DLEU7: variants seen among roughly 807,000 people sequenced by gnomAD.
The protein encoded by DLEU7 is leukemia-associated protein 7.
A neutral mutation model predicts 16.0 loss-of-function variants in DLEU7; 17 were observed. That is an observed-to-expected ratio of 1.06 (90% CI 0.73 to 1.59). DLEU7 has a LOEUF of 1.59. DLEU7 is among the 40% of genes most tolerant of loss of function. The pLI, the probability that DLEU7 is intolerant of heterozygous loss-of-function variation, is 0.00. For missense variants in DLEU7, 308 were observed against 314.9 expected (o/e 0.98, Z 0.17); for synonymous variants, 113 against 139.8 (o/e 0.81, Z 1.35).
At chr13:50,723,090 T>G (rs921221598) in intron 1 of DLEU7, 3 of 152,184 alleles carry the variant, frequency 2.0e-5, no homozygotes, top group Non-Finnish European at 2.9e-5. Flanking sequence ...GCAATAAAGG[T>G]TTCATAAACA....
At chr13:50,757,024 G>C (rs1384144048) in intron 1 of DLEU7, among the ~76,000 whole-genome samples, 1 of 152,168 alleles carries the variant, frequency 6.6e-6, no homozygotes, top group Non-Finnish European at 1.5e-5. Context: ...CAGGAGCGGA[G>C]GGTTTCCCTT....
intron 1 of DLEU7, among the ~76,000 whole-genome samples, chr13:50,776,140 A>G (rs1875488188): frequency 6.6e-6 from 1 of 152,182 alleles, no homozygotes; most frequent in Non-Finnish European, 1.5e-5. Flanking sequence ...TATTACCTGT[A>G]TATCCTCAAG....
At chr13:50,729,824 G>A (rs955262954) in intron 1 of DLEU7, among the ~76,000 whole-genome samples, 5 of 151,928 alleles carry the variant, frequency 3.3e-5, no homozygotes, top group South Asian at 2.1e-4. Context: ...TGTTGGCCAC[G>A]CATACATCTT....
chr13:50,766,844 G>A (rs1387259802), intron 1 of DLEU7, among the ~76,000 whole-genome samples: 1 of 149,854 alleles, frequency 6.7e-6, no homozygotes, highest in Admixed American at 6.7e-5. Context: ...TACAGGTGCT[G>A]TACATACAGA....
chr13:50,823,711 G>A (rs936376735), intron 1 of DLEU7, among the ~76,000 whole-genome samples, 191 bp from the exon 2 acceptor site: 3 of 152,166 alleles, frequency 2.0e-5, no homozygotes, highest in African/African-American at 7.2e-5. Context: ...CAGGGCCCAG[G>A]CCAATCACAG....
intron 1 of DLEU7, among the ~76,000 whole-genome samples, chr13:50,800,692 C>T (rs1876224087): frequency 6.6e-6 from 1 of 152,086 alleles, no homozygotes; most frequent in African/African-American, 2.4e-5. Context: ...AATGAATGTC[C>T]AGGAGCTTAA....
chr13:50,813,577 G>A (rs1876634841), intron 1 of DLEU7, among the ~76,000 whole-genome samples: 1 of 151,974 alleles, frequency 6.6e-6, no homozygotes, highest in East Asian at 1.9e-4. Flanking sequence ...AAGAGCAAAT[G>A]TCATTTTTTG....
chr13:50,779,751 G>A (rs913989887), intron 1 of DLEU7, among the ~76,000 whole-genome samples: 4 of 152,084 alleles, frequency 2.6e-5, no homozygotes, highest in African/African-American at 7.2e-5. Context: ...TTTAGAAAAC[G>A]GAAGCAGGCA....
intron 1 of DLEU7, among the ~76,000 whole-genome samples, chr13:50,776,195 G>C (rs954112640): frequency 1.3e-5 from 2 of 152,150 alleles, no homozygotes; most frequent in African/African-American, 4.8e-5. Flanking sequence ...TCTACTCTTG[G>C]TAGATGGTAT....
At chr13:50,802,120 T>A (rs1406160052) in intron 1 of DLEU7, among the ~76,000 whole-genome samples, 5 of 53,012 alleles carry the variant, frequency 9.4e-5, no homozygotes, top group African/African-American at 2.1e-4. Context: ...CTCTATACAC[T>A]AAAAAAAAAA....
intron 1 of DLEU7, among the ~76,000 whole-genome samples, chr13:50,827,757 C>T (rs1013689745): frequency 6.6e-6 from 1 of 152,080 alleles, no homozygotes; most frequent in African/African-American, 2.4e-5. Context: ...AAGATACAAA[C>T]ATAAGGCAAG....
In DLEU7 at chr13:50,823,151, C is replaced by T; in HGVS notation, c.*163G>A. The T allele has an allele frequency of 7.0e-7, 1 of 1,419,080 alleles. No homozygotes were observed. Among genetic ancestry groups the T allele is most frequent in the Non-Finnish European group, 9.2e-7 (1 of 1,088,650 alleles). 87.9% of individuals were successfully genotyped at this position (1,419,080 alleles called of 1,614,324 possible). A position where few individuals can be genotyped will look rare whatever the true frequency, so the allele number is the denominator to read the frequency against. ...AAAAATTTCATTAACATGCTATAAT[C>T]CCGAAGGCTACAGATGCCACTGGTC... On this transcript the variant is annotated 3_prime_UTR_variant, in exon 2 of 2. Coordinates refer to ENST00000504404, the MANE Select transcript of DLEU7 (RefSeq NM_001306135.2).
chr13:50,722,555 CAAGG>C (rs1332346921), intron 1 of DLEU7, among the ~76,000 whole-genome samples: 1 of 152,120 alleles, frequency 6.6e-6, no homozygotes, highest in Admixed American at 6.5e-5. Context: ...ATTCACAAAA[CAAGG>C]AATACGCTAT....
At chr13:50,768,385 A>G (rs1292301079) in intron 1 of DLEU7, among the ~76,000 whole-genome samples, 2 of 146,364 alleles carry the variant, frequency 1.4e-5, no homozygotes, top group African/African-American at 4.9e-5. Flanking sequence ...TGCTGCACCC[A>G]TTAACTCGTC....
intron 1 of DLEU7, among the ~76,000 whole-genome samples, chr13:50,760,475 C>T (rs1272101272): frequency 1.3e-5 from 2 of 152,138 alleles, no homozygotes; most frequent in South Asian, 4.2e-4. Context: ...AATCCTCCTG[C>T]CTCAGCCTCA....
intron 1 of DLEU7, among the ~76,000 whole-genome samples, chr13:50,800,609 A>T (rs9591363): frequency 8.5e-5 from 13 of 152,268 alleles, no homozygotes; most frequent in African/African-American, 3.1e-4. Flanking sequence ...TTTCCCGCAC[A>T]TTAAAACTTC....
At chr13:50,813,529 T>C (rs1876631528) in intron 1 of DLEU7, among the ~76,000 whole-genome samples, 1 of 152,024 alleles carries the variant, frequency 6.6e-6, no homozygotes, top group African/African-American at 2.4e-5. Context: ...TTCTAGGAGA[T>C]TTTTTCCATA....
chr13:50,733,461 G>A (rs1264036358), intron 1 of DLEU7, among the ~76,000 whole-genome samples: 1 of 152,076 alleles, frequency 6.6e-6, no homozygotes, highest in African/African-American at 2.4e-5. Flanking sequence ...GTGGATTCAC[G>A]GATCTTACCT....
At chr13:50,792,773 A>G (rs1050273190) in intron 1 of DLEU7, among the ~76,000 whole-genome samples, 10 of 151,864 alleles carry the variant, frequency 6.6e-5, no homozygotes, top group Admixed American at 3.9e-4. Flanking sequence ...TACCCAATCA[A>G]TTTAAGCCAG....
Sources: allele counts gnomAD v4.1 joint callset (sites outside exome capture counted in the v4.1 genomes callset), GRCh38; gene constraint gnomAD v4.1.1; transcripts MANE v1.5; gene names NCBI Gene and HGNC (gene_info 2026-07-23, HGNC 2026-07-21).